Variants in GLMN observed in about 807,000 individuals in gnomAD.
GLMN encodes the protein glomulin, FKBP associated protein, also known as glomulin.
Under a neutral mutation model 87.8 loss-of-function variants are expected in GLMN, and 75 were observed. That is an observed-to-expected ratio of 0.85 (90% confidence interval 0.71 to 1.04). The LOEUF is 1.04. GLMN is among the 50% of genes least tolerant of loss of function. GLMN has a pLI of 0.00. For synonymous variants in GLMN, 206 were observed against 221.6 expected, an observed-to-expected ratio of 0.93 and a Z score of 0.63; for missense variants, 588 against 658.8, an observed-to-expected ratio of 0.89 and a Z score of 1.18.
the GLMN span, among the ~76,000 whole-genome samples, chr1:92,321,390 A>G: frequency 6.6e-6 from 1 of 152,192 alleles, no homozygotes; most frequent in Admixed American, 6.5e-5. Context: ...TCTAACTAAA[A>G]GATGGTATCT....
rs144782865 is a variant in GLMN at position 92,296,815 on chromosome 1, T to G, written c.165+589A>C. Among the ~76,000 whole-genome samples, 5 of 152,214 alleles carry G rather than the reference T, an allele frequency of 3.3e-5. No individual in the cohort carries two copies. The East Asian group carries it at 9.6e-4, about 29-fold the overall frequency. Reference sequence around the variant, plus strand: ...CATATCGTTTTCCTCCTGTTCTGATTCTATGCACATAAAATACTGTTTTAA... The same window carrying G: ...CATATCGTTTTCCTCCTGTTCTGATGCTATGCACATAAAATACTGTTTTAA... On this transcript the variant is annotated intron_variant, in intron 3 of 18. Coordinates refer to ENST00000370360, the MANE Select transcript of GLMN (RefSeq NM_053274.3).
chr1:92,370,333 C>T, the GLMN span, among the ~76,000 whole-genome samples: 2 of 152,122 alleles, frequency 1.3e-5, no homozygotes, highest in African/African-American at 4.8e-5. Context: ...AAGAACACCA[C>T]TGCAAACACC....
chr1:92,318,807 G>C, the GLMN span, among the ~76,000 whole-genome samples: 3 of 152,078 alleles, frequency 2.0e-5, no homozygotes, highest in Non-Finnish European at 2.9e-5. Flanking sequence ...AAATATCTAT[G>C]AGCAGTCTTA....
At chr1:92,317,278 G>T in the GLMN span, among the ~76,000 whole-genome samples, 2 of 152,172 alleles carry the variant, frequency 1.3e-5, no homozygotes, top group Non-Finnish European at 2.9e-5. Flanking sequence ...GGAGGCCGAG[G>T]CGGGTGAATC....
rs763950748 is a variant in GLMN at position 92,297,548 on chromosome 1, AC to A, written c.40-20del. ...GGATTTGCTGGCAAAAAAAAAAAAA[AC>A]CCAAAAAACAAACAAAAAAAAGTAT... is the stretch of plus-strand genomic sequence containing the variant. On this transcript the variant is annotated intron_variant, in intron 2 of 18. Coordinates refer to ENST00000370360, the MANE Select transcript of GLMN (RefSeq NM_053274.3). 31 of 1,525,152 alleles carry A rather than the reference AC, an allele frequency of 2.0e-5. No homozygotes were observed. The highest frequency in any genetic ancestry group is 8.3e-5 in the South Asian group (7 of 84,582). The allele number at this position is 1,525,152 out of a possible 1,614,324, so 94.5% of individuals were successfully genotyped here.
intron 16 of GLMN, among the ~76,000 whole-genome samples, chr1:92,255,601 A>C (rs1654117497): frequency 6.6e-6 from 1 of 152,246 alleles, no homozygotes; most frequent in African/African-American, 2.4e-5. Flanking sequence ...ACTCAGGATT[A>C]AGAAACTCAC....
chr1:92,368,792 G>A, the GLMN span, among the ~76,000 whole-genome samples: 1 of 152,190 alleles, frequency 6.6e-6, no homozygotes, highest in East Asian at 1.9e-4. Context: ...TCCTTTTGAT[G>A]TGTAGCATAT....
At chr1:92,361,620 T>C in the GLMN span, among the ~76,000 whole-genome samples, 1 of 152,188 alleles carries the variant, frequency 6.6e-6, no homozygotes, top group African/African-American at 2.4e-5. Flanking sequence ...TGGGACTATT[T>C]AGCCTTAAAA....
chr1:92,288,274 A>C (rs1649004585), intron 6 of GLMN, among the ~76,000 whole-genome samples: 2 of 152,002 alleles, frequency 1.3e-5, no homozygotes, highest in Admixed American at 1.3e-4. Context: ...AGTAAAACAC[A>C]ATTTCTCCAC....
At chr1:92,355,672 T>G in the GLMN span, among the ~76,000 whole-genome samples, 2 of 152,158 alleles carry the variant, frequency 1.3e-5, no homozygotes, top group Non-Finnish European at 2.9e-5. Context: ...CAGACTTTAG[T>G]TGACATTATA....
At chr1:92,277,921 CAGTT>C (rs367842916) in intron 7 of GLMN, among the ~76,000 whole-genome samples, 2,059 of 152,140 alleles carry the variant, frequency 0.014, 54 homozygotes, top group African/African-American at 0.046. Context: ...TATTGCCAGT[CAGTT>C]AGAGCACAGG....
upstream of GLMN, chr1:92,301,735 A>G (rs6604089): frequency 3.0e-5 from 12 of 402,652 alleles, no homozygotes. Context: ...TCATGCATTT[A>G]AAAATAAACA....
In GLMN at chr1:92,268,825, T is replaced by C. The variant is rs532956900; in HGVS notation, c.978-690A>G. Among the ~76,000 whole-genome samples, 8 of 152,194 alleles carry C rather than the reference T, an allele frequency of 5.3e-5. 1 individual carries two copies. The East Asian group carries it at 1.4e-3, about 26-fold the overall frequency. ...CAGGGGATAATTTAAACATGTTACA[T>C]GTTATAGTGAAAGAAAACAAAGCAT... is the stretch of plus-strand genomic sequence containing the variant. On this transcript the variant is annotated intron_variant, in intron 9 of 18. Coordinates refer to ENST00000370360, the MANE Select transcript of GLMN (RefSeq NM_053274.3).
At chr1:92,265,095 C>T (rs1655464051) in intron 13 of GLMN, among the ~76,000 whole-genome samples, 1 of 152,182 alleles carries the variant, frequency 6.6e-6, no homozygotes, top group Admixed American at 6.5e-5. Flanking sequence ...CCTGCCTCAG[C>T]CTCCCAAAGT....
At chr1:92,335,944 A>G in the GLMN span, among the ~76,000 whole-genome samples, 1 of 152,190 alleles carries the variant, frequency 6.6e-6, no homozygotes, top group South Asian at 2.1e-4. Flanking sequence ...ATTGCTTCCT[A>G]AAAAGGTACT....
At chr1:92,254,612 T>C (rs1653986969) in intron 16 of GLMN, among the ~76,000 whole-genome samples, 1 of 152,012 alleles carries the variant, frequency 6.6e-6, no homozygotes, top group Non-Finnish European at 1.5e-5. Flanking sequence ...GGGGCCAATA[T>C]CTTAAAAAAA....
At chr1:92,351,322 A>AT in the GLMN span, among the ~76,000 whole-genome samples, 2 of 149,584 alleles carry the variant, frequency 1.3e-5, no homozygotes, top group Non-Finnish European at 3.0e-5. Context: ...AAAAAAAAAA[A>AT]AAAAAAGAAA....
the GLMN span, among the ~76,000 whole-genome samples, chr1:92,331,185 A>G: frequency 6.6e-6 from 1 of 152,362 alleles, no homozygotes; most frequent in Non-Finnish European, 1.5e-5. Flanking sequence ...TGAAACTCAT[A>G]TCACTATGGA....
At chr1:92,259,959 TCTC>T (rs1394277368) in intron 16 of GLMN, among the ~76,000 whole-genome samples, 1 of 151,978 alleles carries the variant, frequency 6.6e-6, no homozygotes, top group Non-Finnish European at 1.5e-5. Context: ...ATGGTCTTGA[TCTC>T]CTGACTTCAT....
Sources: gnomAD v4.1 joint callset for allele counts (sites outside exome capture counted in the v4.1 genomes callset) on GRCh38, gnomAD v4.1.1 for gene constraint, MANE v1.5 for transcripts, NCBI Gene and HGNC (gene_info 2026-07-23, HGNC 2026-07-21) for gene names.